The following RNF150 variants were observed in gnomAD, a reference collection of about 807,000 sequenced individuals.
RNF150 encodes ring finger protein 150.
A neutral mutation model predicts 39.3 loss-of-function variants in RNF150; 24 were observed. The ratio of observed to expected loss-of-function variants is 0.61; its 90% confidence interval spans 0.44 to 0.86. RNF150 has a LOEUF of 0.86. RNF150 is among the 40% of genes least tolerant of loss of function. The pLI, the probability that RNF150 is intolerant of heterozygous loss-of-function variation, is 0.00. For missense variants in RNF150, 502 were observed against 587.8 expected (o/e 0.85, Z 1.51); for synonymous variants, 255 against 227.3 (o/e 1.12, Z -1.10).
At position 140,906,037 on chromosome 4, in the gene RNF150, A is replaced by G. The variant is rs565405130; in HGVS notation, c.1198+5107T>C. 1.2e-3 allele frequency among the ~76,000 whole-genome samples: 185 copies of G among 152,272 alleles called. 1 individual carries two copies. The highest frequency in any genetic ancestry group is 7.5e-3 in the South Asian group (36 of 4,814). ...TCCCAAGTTTTTTGAATTACAAGGG[A>G]AAGTGCCCAGCAGAAAAAAAATTTT... is the stretch of plus-strand genomic sequence containing the variant. On this transcript the variant is annotated intron_variant, in intron 6 of 6. Transcript: ENST00000515673.
In RNF150 at chr4:141,001,248, C is replaced by T. The variant is rs962682914; in HGVS notation, c.485-33375G>A. 2.6e-5 allele frequency among the ~76,000 whole-genome samples: 4 copies of T among 152,152 alleles called. No individual in the cohort carries two copies. In the South Asian group the frequency reaches 6.2e-4, roughly 24 times the overall value. ...ATAATAAATTGAATTGTGTGTTATT[C>T]CATCAAAACCTCTCTTTCTCCCTCT... On this transcript the variant is annotated intron_variant, in intron 1 of 6. Transcript: ENST00000515673.
At chr4:140,916,480 A>G (rs1240407318) in intron 5 of RNF150, among the ~76,000 whole-genome samples, 1 of 152,222 alleles carries the variant, frequency 6.6e-6, no homozygotes, top group Non-Finnish European at 1.5e-5. Context: ...TGAAGCATGA[A>G]GAGAAGTTTA....
At chr4:140,897,085 C>T (rs1170868111) in intron 6 of RNF150, among the ~76,000 whole-genome samples, 1 of 152,134 alleles carries the variant, frequency 6.6e-6, no homozygotes, top group South Asian at 2.1e-4. Flanking sequence ...CAGCACAGGT[C>T]TCTTAAGAAG....
rs373266501 is a variant in RNF150, at chr4:141,132,566, C to T, written c.243G>A (p.Ser81=). Residue 81 remains serine (S), a synonymous_variant, in exon 1 of 7, where the codon TCG becomes TCA. Transcript: ENST00000515673. This position sits in a 1 kb window ranked among gnomAD's most constrained non-coding sequence, Gnocchi z 4.9. The part of the protein sequence containing the change: ...KTECGRYGEH[S]PKQDARGEVV... ...CCTCCCCGCGGGCGTCCTGCTTGGGCGAGTGCTCTCCGTAGCGCCCGCACT... is the reference window on the plus strand; with the variant it reads ...CCTCCCCGCGGGCGTCCTGCTTGGGTGAGTGCTCTCCGTAGCGCCCGCACT... The T allele has an allele frequency of 3.0e-5, 48 of 1,587,502 alleles. No homozygotes were observed. Among genetic ancestry groups the T allele is most frequent in the Non-Finnish European group, 4.0e-5 (47 of 1,167,910 alleles).
chr4:140,998,036 A>G (rs907771866), intron 1 of RNF150, among the ~76,000 whole-genome samples: 1 of 152,188 alleles, frequency 6.6e-6, no homozygotes, highest in African/African-American at 2.4e-5. Flanking sequence ...GACTCCAGAT[A>G]AATTTGCACA....
At chr4:141,052,026 T>C (rs1033632174) in intron 1 of RNF150, among the ~76,000 whole-genome samples, 1 of 152,134 alleles carries the variant, frequency 6.6e-6, no homozygotes, top group Non-Finnish European at 1.5e-5. Context: ...CTTAAGTGGA[T>C]GGTAGCAGGC....
chr4:140,980,095 T>A (rs1032969036), intron 1 of RNF150, among the ~76,000 whole-genome samples: 1 of 152,126 alleles, frequency 6.6e-6, no homozygotes, highest in Non-Finnish European at 1.5e-5. Flanking sequence ...CAGGCTGAAG[T>A]GCAGTGGCAT....
rs115771032 is a variant in RNF150 at position 140,896,888 on chromosome 4, T to C, written c.1198+14256A>G. Among the ~76,000 whole-genome samples, 709 of 152,180 alleles carry C rather than the reference T, an allele frequency of 4.7e-3. 4 individuals carry two copies. Among genetic ancestry groups the C allele is most frequent in the African/African-American group, 0.016 (680 of 41,526 alleles). Reference sequence around the variant, plus strand: ...GTTTCATGAGCAAAGAAGCCATTATTATAATAATCAAAAGGCAGCAGACTT... The same window carrying C: ...GTTTCATGAGCAAAGAAGCCATTATCATAATAATCAAAAGGCAGCAGACTT... On this transcript the variant is annotated intron_variant, in intron 6 of 6. Coordinates refer to ENST00000515673, the MANE Select transcript of RNF150 (RefSeq NM_020724.2).
At chr4:141,041,780 T>A (rs909703457) in intron 1 of RNF150, among the ~76,000 whole-genome samples, 9 of 152,100 alleles carry the variant, frequency 5.9e-5, no homozygotes, top group African/African-American at 2.2e-4. Context: ...GAGCATATCA[T>A]TATATTATGT....
At chr4:141,044,183 G>A (rs1736474811) in intron 1 of RNF150, among the ~76,000 whole-genome samples, 1 of 152,128 alleles carries the variant, frequency 6.6e-6, no homozygotes. Flanking sequence ...TTCTGGAAAC[G>A]GGAAGGCATG....
chr4:141,144,757 G>C (rs1727173751), intron 1 of RNF150, among the ~76,000 whole-genome samples: 1 of 152,030 alleles, frequency 6.6e-6, no homozygotes, highest in South Asian at 2.1e-4. Flanking sequence ...TTCTTTCCTA[G>C]ATACTAGACA....
chr4:141,132,927 C>T lies in RNF150; in HGVS notation c.-119G>A, dbSNP rs1011500937. ...CTCCTGCTGCTGCTCACTCCCGGGC[C>T]GGAGGGGCCGCGGCCGGGACGCGCA... is the stretch of plus-strand genomic sequence containing the variant. On this transcript the variant is annotated 5_prime_UTR_variant, in exon 1 of 7. Transcript: ENST00000515673. The surrounding 1 kb of genome is among the most constrained non-coding windows in gnomAD (Gnocchi z 4.9). 2.5e-6 allele frequency: 2 copies of T among 796,774 alleles called. No individual in the cohort carries two copies. Among genetic ancestry groups the T allele is most frequent in the Admixed American group, 3.4e-5 (1 of 29,728 alleles). The allele number at this position is 796,774 out of a possible 1,614,324, so 49.4% of individuals were successfully genotyped here. A position where few individuals can be genotyped will look rare whatever the true frequency, so the allele number is the denominator to read the frequency against.
intron 1 of RNF150, among the ~76,000 whole-genome samples, chr4:140,977,493 A>G (rs912108977): frequency 2.0e-5 from 3 of 152,162 alleles, no homozygotes; most frequent in African/African-American, 7.2e-5. Flanking sequence ...ACCTGATGAC[A>G]TGATTTGAGC....
chr4:141,177,474 CTT>C (rs1313725520), intron 1 of RNF150, among the ~76,000 whole-genome samples: 4 of 13,330 alleles, frequency 3.0e-4, no homozygotes, highest in Non-Finnish European at 1.1e-3. Context: ...ATTATTGATT[CTT>C]TCTCTCTCTC....
intron 2 of RNF150, among the ~76,000 whole-genome samples, chr4:140,955,908 C>T (rs188773759): frequency 9.1e-4 from 139 of 152,230 alleles, no homozygotes; most frequent in African/African-American, 3.2e-3. Context: ...GCACATGGGC[C>T]ATGTACATGT....
chr4:140,885,529 C>G (rs191694250), intron 6 of RNF150, among the ~76,000 whole-genome samples: 1 of 150,542 alleles, frequency 6.6e-6, no homozygotes, highest in Admixed American at 6.6e-5. Flanking sequence ...CACTGCCTCC[C>G]GGGTTCAAGC....
intron 1 of RNF150, among the ~76,000 whole-genome samples, chr4:141,084,349 C>A (rs1052126418): frequency 6.6e-6 from 1 of 152,032 alleles, no homozygotes; most frequent in African/African-American, 2.4e-5. Context: ...TCTCAGGAAA[C>A]AAAACCAAAT....
At chr4:140,877,190 C>G (rs896247988) in intron 6 of RNF150, among the ~76,000 whole-genome samples, 11 of 152,280 alleles carry the variant, frequency 7.2e-5, no homozygotes, top group African/African-American at 2.2e-4. Flanking sequence ...ATTTCCTTGG[C>G]AGTTCATTCA....
chr4:141,065,995 G>A lies in RNF150; in HGVS notation c.484+66330C>T, dbSNP rs532724971. On this transcript the variant is annotated intron_variant, in intron 1 of 6. Coordinates refer to ENST00000515673, the MANE Select transcript of RNF150 (RefSeq NM_020724.2). ...GCTCCTGTTGAGGTAACACACTGCA[G>A]GCATTCTCTGTGCATGGGTGGTTCA... Among the ~76,000 whole-genome samples, 21 of 152,090 alleles carry A rather than the reference G, an allele frequency of 1.4e-4. No homozygotes were observed. The South Asian group carries it at 4.4e-3, about 32-fold the overall frequency.
Sources: gnomAD v4.1 joint callset for allele counts (sites outside exome capture counted in the v4.1 genomes callset) on GRCh38, gnomAD v4.1.1 for gene constraint, Gnocchi (gnomAD v3.1) non-coding constraint, MANE v1.5 for transcripts, NCBI Gene and HGNC (gene_info 2026-07-23, HGNC 2026-07-21) for gene names.